FAM193B: variants seen among roughly 807,000 people sequenced by gnomAD.
FAM193B encodes protein FAM193B.
A neutral mutation model predicts 70.7 loss-of-function variants in FAM193B; 27 were observed. That is an observed-to-expected ratio of 0.38 (90% CI 0.28 to 0.53). The LOEUF (loss-of-function observed/expected upper bound fraction) is 0.53, where lower values mean the gene tolerates loss of function less well. FAM193B is among the 20% of genes least tolerant of loss of function. FAM193B has a pLI of 0.81. For missense variants in FAM193B, 1,022 were observed against 1,072.5 expected (o/e 0.95, Z 0.66); for synonymous variants, 448 against 436.0 (o/e 1.03, Z -0.34).
intron 5 of FAM193B, among the ~76,000 whole-genome samples, chr5:177,528,427 G>C (rs1406458044): frequency 6.6e-6 from 1 of 152,164 alleles, no homozygotes; most frequent in African/African-American, 2.4e-5. Flanking sequence ...GGCTCAAGGA[G>C]CAGTTTGCTT....
intron 1 of FAM193B, among the ~76,000 whole-genome samples, chr5:177,541,326 G>T (rs1764825268): frequency 1.3e-5 from 2 of 152,176 alleles, no homozygotes; most frequent in South Asian, 4.1e-4. Context: ...ACCAAGACAT[G>T]TAATTTTACT....
chr5:177,530,294 A>ATATC (rs1355662101), intron 5 of FAM193B, among the ~76,000 whole-genome samples: 1 of 152,110 alleles, frequency 6.6e-6, no homozygotes, highest in Non-Finnish European at 1.5e-5. Flanking sequence ...CTCCACTTAG[A>ATATC]TGTCTCACGG....
chr5:177,531,210 A>T, intron 5 of FAM193B: 1 of 1,201,346 alleles, frequency 8.3e-7, no homozygotes, highest in Non-Finnish European at 1.1e-6. Context: ...TTCATGCCCC[A>T]GAAGTCCTGG....
In FAM193B at chr5:177,539,137, G is replaced by C. The variant is rs549070325; in HGVS notation, c.221C>G (p.Ala74Gly). Residue 74 changes from alanine to glycine, a missense_variant, in exon 2 of 9, where the codon GCC becomes GGC. Ala to Gly is a moderately conservative substitution (Grantham distance 60). Transcript: ENST00000514747. ...NLVPGPQVPPASSQPVQTCCL... is the reference protein window; with the variant it reads ...NLVPGPQVPPGSSQPVQTCCL... ...GCAAGTCTGCACAGGCTGGCTGGAG[G>C]CGGGGGGGACCTGTCCAACAGACAG... The C allele has an allele frequency of 1.6e-4, 256 of 1,572,232 alleles. No homozygotes were observed. Among genetic ancestry groups the C allele is most frequent in the Admixed American group, 1.1e-3 (57 of 53,600 alleles).
intron 1 of FAM193B, chr5:177,553,067 G>A (rs1242719176): frequency 6.9e-5 from 35 of 505,690 alleles, no homozygotes; most frequent in Non-Finnish European, 8.7e-5. Context: ...GCTACCAGAG[G>A]GAGGCACAGA....
At chr5:177,531,287 T>G in intron 5 of FAM193B, 1 of 1,318,478 alleles carries the variant, frequency 7.6e-7, no homozygotes, top group Non-Finnish European at 1.0e-6. Flanking sequence ...CCCACCTTCT[T>G]TTTCAGCTTG....
In FAM193B at chr5:177,532,298, A is replaced by C. The variant is rs1763590542; in HGVS notation, c.1275+145T>G. ...CCTCACAAATGTGCTGTGAGGATCA[A>C]GCGAGCAGACGCAGGTGCAAGGACT... On this transcript the variant is annotated intron_variant, in intron 5 of 8. Transcript: ENST00000514747. The surrounding 1 kb of genome is among the most constrained non-coding windows in gnomAD (Gnocchi z 4.9). The C allele has an allele frequency of 1.3e-6, 2 of 1,485,280 alleles. No homozygotes were observed. Among genetic ancestry groups the C allele is most frequent in the Admixed American group, 4.9e-5 (2 of 41,104 alleles). 92.0% of individuals were successfully genotyped at this position (1,485,280 alleles called of 1,614,324 possible).
At chr5:177,539,236 C>CG (rs1764563457) in intron 1 of FAM193B, 89 bp from the exon 2 acceptor site, 1 of 1,424,366 alleles carries the variant, frequency 7.0e-7, no homozygotes, top group Non-Finnish European at 9.2e-7. Context: ...CCACTTATTA[C>CG]GTGCCAGGCA....
At chr5:177,546,441 A>G (rs1259255923) in intron 1 of FAM193B, among the ~76,000 whole-genome samples, 1 of 152,248 alleles carries the variant, frequency 6.6e-6, no homozygotes, top group African/African-American at 2.4e-5. Context: ...CACTGAATAA[A>G]TAAATGAAAG....
intron 4 of FAM193B, among the ~76,000 whole-genome samples, chr5:177,535,921 A>AT (rs34923745): frequency 2.8e-5 from 4 of 143,894 alleles, no homozygotes; most frequent in African/African-American, 1.0e-4. Flanking sequence ...CCCACATACT[A>AT]TTTTTTTTTT....
rs1764193242 is a variant in FAM193B, at chr5:177,536,531, G to A, written c.903C>T (p.Pro301=). Residue 301 remains proline, a synonymous_variant, in exon 4 of 9, where the codon CCC becomes CCT. Coordinates refer to ENST00000514747, the MANE Select transcript of FAM193B (RefSeq NM_001190946.3). The part of the protein sequence containing the change: ...SECPVAAATA[P]HTPGPCQSSH... ...AGCTCTGACATGGCCCTGGAGTGTG[G>A]GGGGCAGTGGCAGCAGCAACAGGGC... 4 of 1,541,810 alleles carry A rather than the reference G, an allele frequency of 2.6e-6. No homozygotes were observed. Among genetic ancestry groups the A allele is most frequent in the Non-Finnish European group, 3.5e-6 (4 of 1,150,538 alleles).
rs560886868 is a variant in FAM193B at position 177,524,622 on chromosome 5, C to T, written c.1859G>A (p.Cys620Tyr). The change falls in exon 6 of 9, where the codon TGC becomes TAC. Residue 620 changes from cysteine (C) to tyrosine (Y), a missense_variant. Transcript: ENST00000514747. The part of the protein sequence containing the change: ...EEPSSKEVPS[C>Y]KQELPEPVSS... ...CACAGGCTCAGGCAGCTCCTGCTTG[C>T]AACTGGGAACTTCCTTTGAGCTTGG... 181 of 1,612,510 alleles carry T rather than the reference C, an allele frequency of 1.1e-4. No homozygotes were observed. The highest frequency in any genetic ancestry group is 1.5e-4 in the Non-Finnish European group (177 of 1,179,502).
At chr5:177,537,254 C>T (rs192466856) in intron 3 of FAM193B, among the ~76,000 whole-genome samples, 9 of 152,364 alleles carry the variant, frequency 5.9e-5, no homozygotes, top group Admixed American at 2.0e-4. Flanking sequence ...GCTCAACACT[C>T]ATAATTCTGG....
At position 177,539,115 on chromosome 5, in the gene FAM193B, A is replaced by G; in HGVS notation, c.243T>C (p.Thr81=). 6.3e-7 allele frequency: 1 copy of G among 1,599,066 alleles called. No homozygotes were observed. The highest frequency in any genetic ancestry group is 1.7e-4 in the Middle Eastern group (1 of 6,040). The change falls in exon 2 of 9, where the codon ACT becomes ACC. Residue 81 remains threonine, a synonymous_variant. Coordinates refer to ENST00000514747, the MANE Select transcript of FAM193B (RefSeq NM_001190946.3). ...GTTCCCGGTGACACAGCAGGCAGCA[A>G]GTCTGCACAGGCTGGCTGGAGGCGG... ...VPPASSQPVQ[T]CCLLCHRERK...
chr5:177,553,506 T>C (rs976810879), intron 1 of FAM193B: 8 of 1,125,468 alleles, frequency 7.1e-6, no homozygotes, highest in South Asian at 1.9e-5. Flanking sequence ...CCTCCCGTTA[T>C]CTCCTTTGCT....
In FAM193B at chr5:177,537,871, A is replaced by T; in HGVS notation, c.688+2T>A. On this transcript the variant is annotated splice_donor_variant, in intron 3 of 8. Transcript: ENST00000514747. LOFTEE classifies it high-confidence loss of function. ...GGCTCTCTCCCGAGCCTGGAGACTCACCGGGGATGGTAGGAGGACTCCCAA... is the reference window on the plus strand; with the variant it reads ...GGCTCTCTCCCGAGCCTGGAGACTCTCCGGGGATGGTAGGAGGACTCCCAA... 6.2e-7 allele frequency: 1 copy of T among 1,607,216 alleles called. No individual in the cohort carries two copies. The highest frequency in any genetic ancestry group is 8.5e-7 in the Non-Finnish European group (1 of 1,175,950).
intron 5 of FAM193B, among the ~76,000 whole-genome samples, chr5:177,526,009 G>A (rs1238441598): frequency 2.0e-5 from 3 of 152,374 alleles, no homozygotes; most frequent in South Asian, 4.1e-4. Context: ...GAAGGAGGTT[G>A]CTGTGGTGCG....
rs1766757933 is a variant in FAM193B, at chr5:177,554,306, C to A, written c.153G>T (p.Glu51Asp). The A allele has an allele frequency of 1.5e-5, 20 of 1,356,032 alleles. No individual in the cohort carries two copies. Among genetic ancestry groups the A allele is most frequent in the Middle Eastern group, 2.2e-4 (1 of 4,550 alleles). 84.0% of individuals were successfully genotyped at this position (1,356,032 alleles called of 1,614,324 possible). The change falls in exon 1 of 9, where the codon GAG becomes GAT. Residue 51 changes from glutamate to aspartate, a missense_variant. By Grantham distance (45) the Glu-to-Asp change is conservative (BLOSUM62 2). Coordinates refer to ENST00000514747, the MANE Select transcript of FAM193B (RefSeq NM_001190946.3). The part of the protein sequence containing the change: ...AGAGPPEAPA[E>D]PDHDGPREDD... ...CCTCCCTGGGGCCGTCGTGGTCGGG[C>A]TCCGCCGGCGCCTCCGGAGGGCCTG...
chr5:177,527,435 A>G (rs1465808797), intron 5 of FAM193B, among the ~76,000 whole-genome samples: 5 of 152,198 alleles, frequency 3.3e-5, no homozygotes, highest in African/African-American at 7.2e-5. Flanking sequence ...GGTCTGAGCT[A>G]TCAGCGATGT....
Sources: allele counts gnomAD v4.1 joint callset (sites outside exome capture counted in the v4.1 genomes callset), GRCh38; gene constraint gnomAD v4.1.1; non-coding constraint Gnocchi (gnomAD v3.1); transcripts MANE v1.5; gene names NCBI Gene and HGNC (gene_info 2026-07-23, HGNC 2026-07-21).